Variants in ZNF577 observed in about 807,000 individuals in gnomAD.
ZNF577 encodes zinc finger protein 577.
Under a neutral mutation model 13.9 loss-of-function variants are expected in ZNF577, and 14 were observed. The observed-to-expected ratio is 1.00, with a 90% CI of 0.66 to 1.57. ZNF577 has a LOEUF of 1.57. Ranked by LOEUF, ZNF577 falls within the 40% of genes most tolerant of loss-of-function variation. The pLI, the probability that ZNF577 is intolerant of heterozygous loss-of-function variation, is 0.00. For synonymous variants in ZNF577, 203 were observed against 202.9 expected, an observed-to-expected ratio of 1.00 and a Z score of 0.00; for missense variants, 555 against 579.2, an observed-to-expected ratio of 0.96 and a Z score of 0.43.
In ZNF577 at chr19:51,814,690, C is replaced by T. The variant is rs562042022; in HGVS notation, c.*600-3016G>A. On this transcript the variant is annotated intron_variant and NMD_transcript_variant, in intron 9 of 10. Coordinates refer to the ZNF577 transcript ENST00000638827. ...TGTATTTTTAGTAAAGATGGGTTTT[C>T]GCCATGTTGGCCAGGCTGGTCTTGA... Among the ~76,000 whole-genome samples, 12 of 152,216 alleles carry T rather than the reference C, an allele frequency of 7.9e-5. No individual in the cohort carries two copies. The South Asian group carries it at 8.3e-4, about 11-fold the overall frequency.
intron 9 of ZNF577, among the ~76,000 whole-genome samples, chr19:51,831,603 C>G (rs962683307): frequency 6.6e-6 from 1 of 150,896 alleles, no homozygotes; most frequent in African/African-American, 2.5e-5. Flanking sequence ...GTTATTTACA[C>G]AGCAGCCAAA....
intron 10 of ZNF577, among the ~76,000 whole-genome samples, chr19:51,809,857 C>A (rs928344291): frequency 6.6e-6 from 1 of 152,076 alleles, no homozygotes; most frequent in East Asian, 1.9e-4. Flanking sequence ...GGAACCCATG[C>A]CTGGAACGGG....
chr19:51,865,374 C>T (rs1445624911), downstream of ZNF577, among the ~76,000 whole-genome samples: 1 of 146,904 alleles, frequency 6.8e-6, no homozygotes, highest in Non-Finnish European at 1.5e-5. Context: ...TGGGATTACA[C>T]ACGTGAGCCA....
At chr19:51,821,112 T>A (rs2084185202) in intron 9 of ZNF577, among the ~76,000 whole-genome samples, 1 of 152,186 alleles carries the variant, frequency 6.6e-6, no homozygotes, top group Non-Finnish European at 1.5e-5. Flanking sequence ...AGACACTCAG[T>A]CTAGCCTAGA....
At chr19:51,846,980 C>T (rs1280043782) in intron 5 of ZNF577, among the ~76,000 whole-genome samples, 1 of 152,174 alleles carries the variant, frequency 6.6e-6, no homozygotes, top group African/African-American at 2.4e-5. Flanking sequence ...ACTCAATCCT[C>T]AAAACCCATC....
chr19:51,851,254 A>G (rs564371001), intron 5 of ZNF577, among the ~76,000 whole-genome samples: 20 of 152,326 alleles, frequency 1.3e-4, no homozygotes, highest in Admixed American at 3.9e-4. Flanking sequence ...AAACTTGACA[A>G]GTAGATATCA....
At chr19:51,885,928 T>C (rs1387167586) in intron 1 of ZNF577, among the ~76,000 whole-genome samples, 1 of 152,174 alleles carries the variant, frequency 6.6e-6, no homozygotes, top group African/African-American at 2.4e-5. Context: ...TGGGGTATAA[T>C]CATCAATGGA....
chr19:51,858,890 AAGTTT>A (rs2084467048), intron 5 of ZNF577, among the ~76,000 whole-genome samples: 1 of 152,220 alleles, frequency 6.6e-6, no homozygotes, highest in Admixed American at 6.5e-5. Context: ...CAATTCAGTG[AAGTTT>A]AGCACATTCA....
intron 10 of ZNF577, among the ~76,000 whole-genome samples, chr19:51,810,531 T>A (rs2084089067): frequency 6.6e-6 from 1 of 152,176 alleles, no homozygotes; most frequent in African/African-American, 2.4e-5. Context: ...GGGAGTGCCA[T>A]TTGACTTTCC....
chr19:51,844,215 C>T (rs963105657), intron 6 of ZNF577, among the ~76,000 whole-genome samples: 1 of 152,094 alleles, frequency 6.6e-6, no homozygotes, highest in African/African-American at 2.4e-5. Context: ...ATAATCTGCA[C>T]AATAACCCTT....
Position 51,886,925 on chromosome 19 carries a change from C to T in ZNF577, c.-323G>A, listed in dbSNP as rs2084955367. On this transcript the variant is annotated 5_prime_UTR_variant, in exon 1 of 6. Transcript: ENST00000638348. ...CAAAAATGCTCAACTAGAAAAAAGA[C>T]GTCAATTTATAAGTTATATGTAATG... 1 of 151,932 alleles carries T rather than the reference C, an allele frequency of 6.6e-6. No individual in the cohort carries two copies. Among genetic ancestry groups the T allele is most frequent in the Non-Finnish European group, 1.5e-5 (1 of 68,012 alleles). The allele number at this position is 151,932 out of a possible 1,614,324, so 9.4% of individuals were successfully genotyped here.
downstream of ZNF577, chr19:51,862,742 T>A (rs2084516885): frequency 6.6e-6 from 1 of 152,224 alleles, no homozygotes. Flanking sequence ...TAATAGGGTA[T>A]CTCTCCTGTG....
At chr19:51,828,009 T>C (rs904178836) in intron 9 of ZNF577, among the ~76,000 whole-genome samples, 1 of 152,198 alleles carries the variant, frequency 6.6e-6, no homozygotes, top group African/African-American at 2.4e-5. Context: ...TTGACTCCTA[T>C]AAATGCTTTA....
At chr19:51,825,432 A>G (rs1599843273) in intron 9 of ZNF577, 1 of 166,810 alleles carries the variant, frequency 6.0e-6, no homozygotes, top group South Asian at 2.1e-4. Flanking sequence ...ATAGGATGGG[A>G]TCCTCTCTGG....
intron 5 of ZNF577, among the ~76,000 whole-genome samples, chr19:51,847,903 T>C (rs961936450): frequency 5.3e-5 from 8 of 152,280 alleles, no homozygotes; most frequent in East Asian, 3.9e-4. Flanking sequence ...CCAGCTATTA[T>C]ACAAACTCAG....
At chr19:51,857,770 ACACACACG>A (rs2084452845) in intron 5 of ZNF577, among the ~76,000 whole-genome samples, 1 of 152,194 alleles carries the variant, frequency 6.6e-6, no homozygotes. Context: ...ACATACACAC[ACACACACG>A]CACACACACA....
intron 9 of ZNF577, among the ~76,000 whole-genome samples, chr19:51,838,832 A>G (rs539647267): frequency 6.6e-6 from 1 of 152,028 alleles, no homozygotes; most frequent in Non-Finnish European, 1.5e-5. Flanking sequence ...GCATGTAACA[A>G]TTTTTGTAAT....
intron 3 of ZNF577, 142 bp downstream of exon 3, chr19:51,880,181 C>A: frequency 1.1e-6 from 1 of 885,228 alleles, no homozygotes. Context: ...TACTCCTTAG[C>A]TTACCCCACT....
rs775520173 is a variant in ZNF577, at chr19:51,877,269, T to G, written c.283+13A>C. 4 of 1,611,414 alleles carry G rather than the reference T, an allele frequency of 2.5e-6. No individual in the cohort carries two copies. The highest frequency in any genetic ancestry group is 2.7e-5 in the African/African-American group (2 of 74,790). On this transcript the variant is annotated intron_variant, in intron 5 of 5. Coordinates refer to ENST00000638348, the MANE Select transcript of ZNF577 (RefSeq NM_001370449.1). Reference sequence around the variant, plus strand: ...GCCATTTCTCCCCATTTTCTTAGTTTTCACTCACTTACCTGGACAGATTTG... The same window carrying G: ...GCCATTTCTCCCCATTTTCTTAGTTGTCACTCACTTACCTGGACAGATTTG...
Sources: gnomAD v4.1 joint callset for allele counts (sites outside exome capture counted in the v4.1 genomes callset) on GRCh38, gnomAD v4.1.1 for gene constraint, MANE v1.5 for transcripts, NCBI Gene and HGNC (gene_info 2026-07-23, HGNC 2026-07-21) for gene names.